Variants in LRP5 observed in about 807,000 individuals in gnomAD.
The protein encoded by LRP5 is LDL receptor related protein 5.
LRP5 carries 62 observed loss-of-function variants against 154.1 expected under a neutral mutation model. The observed-to-expected ratio is 0.40, with a 90% CI of 0.33 to 0.50. The LOEUF is 0.50. Among genes scored for constraint, LRP5 ranks in the 20% least tolerant of loss-of-function variants. The pLI is 0.55. For synonymous variants in LRP5, 966 were observed against 1,011.5 expected (o/e 0.96, Z 0.85); for missense variants, 1,915 against 2,336.7 (o/e 0.82, Z 3.72).
chr11:68,352,965 G>A (rs142248495), intron 2 of LRP5, among the ~76,000 whole-genome samples: 5 of 151,468 alleles, frequency 3.3e-5, no homozygotes, highest in African/African-American at 9.7e-5. Flanking sequence ...GGTGCTAGGT[G>A]CTTGGTTGGG....
intron 17 of LRP5, among the ~76,000 whole-genome samples, chr11:68,431,483 G>A (rs188893238): frequency 6.6e-6 from 1 of 151,888 alleles, no homozygotes; most frequent in East Asian, 1.9e-4. Context: ...CAGGTGATCC[G>A]CCCACCTCAG....
At chr11:68,401,260 G>A (rs2098652482) in intron 7 of LRP5, among the ~76,000 whole-genome samples, 1 of 152,152 alleles carries the variant, frequency 6.6e-6, no homozygotes, top group African/African-American at 2.4e-5. Flanking sequence ...AGGCAAAAAT[G>A]TGAAGAACCC....
At chr11:68,414,137 G>A (rs1010951594) in intron 12 of LRP5, 125 bp downstream of exon 12, 11 of 921,994 alleles carry the variant, frequency 1.2e-5, no homozygotes, top group Non-Finnish European at 1.7e-5. Context: ...GGTAGGTTGT[G>A]CACTGCACAA....
At chr11:68,355,998 C>T (rs1270623059) in intron 2 of LRP5, among the ~76,000 whole-genome samples, 1 of 151,974 alleles carries the variant, frequency 6.6e-6, no homozygotes, top group Non-Finnish European at 1.5e-5. Flanking sequence ...CGCCACCATG[C>T]CCGGCTAATT....
At chr11:68,351,162 G>A (rs1325574859) in intron 2 of LRP5, among the ~76,000 whole-genome samples, 1 of 152,156 alleles carries the variant, frequency 6.6e-6, no homozygotes, top group African/African-American at 2.4e-5. Context: ...CTGAGGTCAG[G>A]CCAGAGCAGC....
At chr11:68,404,529 A>G in intron 8 of LRP5, 1 of 486,760 alleles carries the variant, frequency 2.1e-6, no homozygotes. Flanking sequence ...CAGAAAGCAC[A>G]GCCCCGTGGA....
chr11:68,415,264 C>T (rs1438039647), intron 12 of LRP5, among the ~76,000 whole-genome samples: 1 of 152,154 alleles, frequency 6.6e-6, no homozygotes, highest in African/African-American at 2.4e-5. Flanking sequence ...ATGTGCTGCT[C>T]ACTGACACCC....
Position 68,416,535 on chromosome 11 carries a change from CCCTGT to C in LRP5, c.3027+9_3027+13del, listed in dbSNP as rs1224373305. On this transcript the variant is annotated intron_variant, in intron 13 of 22. Transcript: ENST00000294304. ...AAGGACGACGGGACCCAGGCAGGTG[CCCTGT>C]GGGAAGGGTGCGGGGTGTGCTTCCC... The C allele has an allele frequency of 6.2e-7, 1 of 1,613,874 alleles. No homozygotes were observed. The highest frequency in any genetic ancestry group is 1.1e-5 in the South Asian group (1 of 91,064).
intron 5 of LRP5, among the ~76,000 whole-genome samples, chr11:68,383,180 C>T (rs1334032943): frequency 6.6e-6 from 1 of 152,186 alleles, no homozygotes; most frequent in South Asian, 2.1e-4. Flanking sequence ...GCCCGGCCTA[C>T]TTTAGTGATT....
intron 5 of LRP5, among the ~76,000 whole-genome samples, chr11:68,384,059 C>T (rs1591258766): frequency 1.3e-5 from 2 of 152,326 alleles, no homozygotes; most frequent in East Asian, 3.9e-4. Context: ...CTCTCCCCAG[C>T]CTGCCTGCCT....
intron 7 of LRP5, among the ~76,000 whole-genome samples, chr11:68,397,854 G>A (rs1188985864): frequency 1.3e-5 from 2 of 152,144 alleles, no homozygotes; most frequent in African/African-American, 4.8e-5. Flanking sequence ...CTAAGTGGGT[G>A]GAGGTGACAT....
At chr11:68,396,789 GGTGGT>G (rs1453821658) in intron 7 of LRP5, among the ~76,000 whole-genome samples, 1 of 152,094 alleles carries the variant, frequency 6.6e-6, no homozygotes, top group Non-Finnish European at 1.5e-5. Context: ...TGGGAGTGGC[GGTGGT>G]TCCAGCCCTG....
At chr11:68,333,682 T>G (rs2098604103) in intron 1 of LRP5, among the ~76,000 whole-genome samples, 1 of 152,228 alleles carries the variant, frequency 6.6e-6, no homozygotes, top group Non-Finnish European at 1.5e-5. Context: ...CTAGTTTTAT[T>G]TTTTTAAATG....
At chr11:68,389,513 C>T (rs1195490062) in intron 6 of LRP5, among the ~76,000 whole-genome samples, 1 of 152,076 alleles carries the variant, frequency 6.6e-6, no homozygotes, top group Non-Finnish European at 1.5e-5. Flanking sequence ...CCAACACCGA[C>T]ATTTACCAAC....
At chr11:68,428,030 T>G (rs2098669829) in intron 16 of LRP5, among the ~76,000 whole-genome samples, 1 of 151,622 alleles carries the variant, frequency 6.6e-6, no homozygotes, top group Non-Finnish European at 1.5e-5. Flanking sequence ...TTCGTTTTTG[T>G]CGCCCAGGCT....
intron 4 of LRP5, among the ~76,000 whole-genome samples, chr11:68,365,147 A>C (rs950153612): frequency 6.6e-6 from 1 of 152,112 alleles, no homozygotes; most frequent in Non-Finnish European, 1.5e-5. Flanking sequence ...ACTACCACAC[A>C]GGCAGGTCCT....
intron 5 of LRP5, among the ~76,000 whole-genome samples, chr11:68,372,631 C>T (rs1193941368): frequency 1.3e-5 from 2 of 152,142 alleles, no homozygotes; most frequent in African/African-American, 2.4e-5. Flanking sequence ...ATTATACTCC[C>T]CGCTCCATGG....
At chr11:68,335,201 C>A (rs1312082652) in intron 1 of LRP5, among the ~76,000 whole-genome samples, 2 of 151,706 alleles carry the variant, frequency 1.3e-5, no homozygotes, top group African/African-American at 4.8e-5. Context: ...CTCAGCCTCT[C>A]CAGTAGCTGG....
chr11:68,408,501 T>C (rs1370608899), intron 9 of LRP5, among the ~76,000 whole-genome samples: 1 of 152,094 alleles, frequency 6.6e-6, no homozygotes, highest in Admixed American at 6.6e-5. Context: ...AAATTGTCCA[T>C]AACCTCTCCA....
Sources: gnomAD v4.1 joint callset for allele counts (sites outside exome capture counted in the v4.1 genomes callset) on GRCh38, gnomAD v4.1.1 for gene constraint, MANE v1.5 for transcripts, NCBI Gene and HGNC (gene_info 2026-07-23, HGNC 2026-07-21) for gene names.